Variants in TPST1 observed in about 807,000 individuals in gnomAD.
TPST1 encodes the protein tyrosylprotein sulfotransferase 1.
TPST1 carries 20 observed loss-of-function variants against 34.8 expected under a neutral mutation model. That is an observed-to-expected ratio of 0.57 (90% CI 0.40 to 0.84). The LOEUF (loss-of-function observed/expected upper bound fraction) is 0.84. Ranked by LOEUF, TPST1 falls within the 40% of genes least tolerant of loss-of-function variation. The pLI is 0.00. For synonymous variants in TPST1, 152 were observed against 159.4 expected, an observed-to-expected ratio of 0.95 and a Z score of 0.35; for missense variants, 353 against 455.5, an observed-to-expected ratio of 0.78 and a Z score of 2.05.
chr7:66,330,513 C>G (rs1791976101), intron 3 of TPST1, among the ~76,000 whole-genome samples: 2 of 152,174 alleles, frequency 1.3e-5, no homozygotes, highest in African/African-American at 4.8e-5. Context: ...GCTTGGAAAT[C>G]TTTTTAGCTA....
intron 2 of TPST1, among the ~76,000 whole-genome samples, chr7:66,270,514 A>G (rs1363572531): frequency 6.6e-6 from 1 of 152,176 alleles, no homozygotes; most frequent in African/African-American, 2.4e-5. Flanking sequence ...CCAAATGTGC[A>G]TTTAGACATT....
At chr7:66,306,393 G>A (rs1791423916) in intron 3 of TPST1, among the ~76,000 whole-genome samples, 1 of 152,206 alleles carries the variant, frequency 6.6e-6, no homozygotes, top group Non-Finnish European at 1.5e-5. Context: ...TGAGACCCGT[G>A]TAGGTGCATA....
intron 2 of TPST1, among the ~76,000 whole-genome samples, chr7:66,264,929 C>G (rs571388156): frequency 6.6e-6 from 1 of 152,132 alleles, no homozygotes; most frequent in South Asian, 2.1e-4. Context: ...AACCCAAAAA[C>G]CTAACTGAAA....
chr7:66,358,084 C>CAA (rs978615275), intron 5 of TPST1, among the ~76,000 whole-genome samples: 4 of 134,742 alleles, frequency 3.0e-5, no homozygotes, highest in Admixed American at 1.5e-4. Context: ...GACTTCGTCT[C>CAA]AAAAAAAAAA....
intron 1 of TPST1, among the ~76,000 whole-genome samples, chr7:66,206,227 G>A (rs1320860712): frequency 1.3e-5 from 2 of 150,988 alleles, no homozygotes; most frequent in Admixed American, 1.3e-4. Context: ...CAAAGTGCTG[G>A]GATTACAGGC....
chr7:66,256,369 A>G (rs1226441579), intron 2 of TPST1, among the ~76,000 whole-genome samples: 1 of 152,182 alleles, frequency 6.6e-6, no homozygotes, highest in African/African-American at 2.4e-5. Context: ...AACAAACATA[A>G]AAGTTTCTGT....
At chr7:66,346,223 A>G (rs993719510) in intron 3 of TPST1, among the ~76,000 whole-genome samples, 1 of 151,876 alleles carries the variant, frequency 6.6e-6, no homozygotes, top group Non-Finnish European at 1.5e-5. Flanking sequence ...TTATCCATTT[A>G]TCTGTTGATG....
chr7:66,269,441 A>C (rs1487018347), intron 2 of TPST1, among the ~76,000 whole-genome samples: 1 of 152,252 alleles, frequency 6.6e-6, no homozygotes, highest in Non-Finnish European at 1.5e-5. Context: ...AGAATAGTTC[A>C]CTACTAGAAA....
At chr7:66,258,027 C>T (rs1584183953) in intron 2 of TPST1, among the ~76,000 whole-genome samples, 2 of 152,124 alleles carry the variant, frequency 1.3e-5, no homozygotes, top group Non-Finnish European at 2.9e-5. Flanking sequence ...AATGATTTAT[C>T]ATCTGAGCTT....
intron 2 of TPST1, among the ~76,000 whole-genome samples, chr7:66,283,035 G>A (rs943170375): frequency 2.0e-5 from 3 of 152,132 alleles, no homozygotes; most frequent in African/African-American, 4.8e-5. Context: ...TTGGGAAGCC[G>A]AGGTGGGCAG....
chr7:66,300,383 C>T (rs1791289820), intron 3 of TPST1, among the ~76,000 whole-genome samples: 2 of 152,208 alleles, frequency 1.3e-5, no homozygotes, highest in Admixed American at 6.5e-5. Flanking sequence ...TTCAGGCTCA[C>T]TTCTAGTTAT....
At chr7:66,233,917 A>G (rs988308674) in intron 1 of TPST1, among the ~76,000 whole-genome samples, 12 of 151,512 alleles carry the variant, frequency 7.9e-5, no homozygotes, top group Non-Finnish European at 1.5e-4. Context: ...CATGGAGTGC[A>G]GTGGCGTGAT....
chr7:66,240,771 C>T lies in TPST1; in HGVS notation c.346C>T (p.Arg116Trp), dbSNP rs376840313. 7 of 1,614,012 alleles carry T rather than the reference C, an allele frequency of 4.3e-6. No individual in the cohort carries two copies. The Admixed American group carries it at 5.0e-5, about 12-fold the overall frequency. Residue 116 changes from arginine to tryptophan, a missense_variant, in exon 2 of 6, where the codon CGG becomes TGG. Coordinates refer to ENST00000304842, the MANE Select transcript of TPST1 (RefSeq NM_003596.4). The part of the protein sequence containing the change: ...RILALKQMWS[R>W]SSKEKIRLDE... ...CCTGGCCCTGAAGCAGATGTGGTCA[C>T]GGTCAAGTAAAGAGAAGATCCGCCT...
intron 2 of TPST1, among the ~76,000 whole-genome samples, chr7:66,271,783 A>G (rs1048797865): frequency 6.6e-6 from 1 of 152,022 alleles, no homozygotes; most frequent in Non-Finnish European, 1.5e-5. Flanking sequence ...CATATCGTAT[A>G]TGTATCACCA....
Position 66,227,027 on chromosome 7 carries a change from G to GTTTTTTT in TPST1, c.-101-13298_-101-13297insTTTTTTT, listed in dbSNP as rs1390977469. ...TTTGGTGTTGGATGCCTTAAAATAA[G>GTTTTTTT]CTTTTTTTTTTTTTTTTTTTTTTTG... On this transcript the variant is annotated intron_variant, in intron 1 of 5. Transcript: ENST00000304842. Among the ~76,000 whole-genome samples the GTTTTTTT allele has an allele frequency of 2.6e-3, 118 of 45,924 alleles. 1 individual carries two copies. Among genetic ancestry groups the GTTTTTTT allele is most frequent in the Admixed American group, 3.2e-3 (15 of 4,716 alleles). The allele number at this position is 45,924 out of a possible 152,430, so 30.1% of individuals were successfully genotyped here. A position where few individuals can be genotyped will look rare whatever the true frequency, so the allele number is the denominator to read the frequency against.
chr7:66,327,049 G>A (rs1417007303), intron 3 of TPST1, among the ~76,000 whole-genome samples: 2 of 152,170 alleles, frequency 1.3e-5, no homozygotes, highest in Non-Finnish European at 2.9e-5. Context: ...GTGGACCACA[G>A]GAGCCCAGGG....
In TPST1 at chr7:66,298,729, T is replaced by C. The variant is rs145767430; in HGVS notation, c.1044+12020T>C. Among the ~76,000 whole-genome samples the C allele has an allele frequency of 1.2e-4, 18 of 152,346 alleles. No homozygotes were observed. In the East Asian group the frequency reaches 3.3e-3, roughly 28 times the overall value. ...TAATCTTTTTTGGTATTCCATTTTA[T>C]ATATTATCTCCTCTTTTTAGCTATA... On this transcript the variant is annotated intron_variant, in intron 3 of 5. Transcript: ENST00000304842.
intron 1 of TPST1, among the ~76,000 whole-genome samples, chr7:66,210,325 G>A (rs570105151): frequency 1.3e-5 from 2 of 152,342 alleles, no homozygotes; most frequent in Non-Finnish European, 2.9e-5. Flanking sequence ...TGATGCCCAG[G>A]AAATCGCCTG....
chr7:66,353,345 T>G (rs1472006310), intron 4 of TPST1, among the ~76,000 whole-genome samples: 2 of 152,102 alleles, frequency 1.3e-5, no homozygotes, highest in Non-Finnish European at 1.5e-5. Context: ...TGGCGAGGCC[T>G]CTGGTCCCAG....
Sources: gnomAD v4.1 joint callset for allele counts (sites outside exome capture counted in the v4.1 genomes callset) on GRCh38, gnomAD v4.1.1 for gene constraint, MANE v1.5 for transcripts, NCBI Gene and HGNC (gene_info 2026-07-23, HGNC 2026-07-21) for gene names.